The following LRP6 variants were observed in gnomAD, a reference collection of about 807,000 sequenced individuals.
The protein encoded by LRP6 is low-density lipoprotein receptor-related protein 6.
Under a neutral mutation model 184.1 loss-of-function variants are expected in LRP6, and 43 were observed. The ratio of observed to expected loss-of-function variants is 0.23; its 90% CI spans 0.18 to 0.30. LRP6 has a LOEUF of 0.30. Ranked by LOEUF, LRP6 falls within the 10% of genes least tolerant of loss-of-function variation. The pLI, the probability that LRP6 is intolerant of heterozygous loss-of-function variation, is 1.00. For synonymous variants in LRP6, 719 were observed against 684.9 expected (o/e 1.05, Z -0.78); for missense variants, 1,571 against 2,005.3 (o/e 0.78, Z 4.14).
rs537539881 is a variant in LRP6, at chr12:12,229,289, G to C, written c.449+14973C>G. Reference sequence around the variant, plus strand: ...GGAGGCTGAGGCAGGAGAATCGCTTGAACCCGCAAGGCGGAGGTTGCTGTG... The same window carrying C: ...GGAGGCTGAGGCAGGAGAATCGCTTCAACCCGCAAGGCGGAGGTTGCTGTG... On this transcript the variant is annotated intron_variant, in intron 2 of 22. Coordinates refer to ENST00000261349, the MANE Select transcript of LRP6 (RefSeq NM_002336.3). Among the ~76,000 whole-genome samples, 3 of 148,648 alleles carry C rather than the reference G, an allele frequency of 2.0e-5. No individual in the cohort carries two copies. The South Asian group carries it at 6.4e-4, about 32-fold the overall frequency.
intron 2 of LRP6, among the ~76,000 whole-genome samples, chr12:12,237,680 T>C (rs1864959805): frequency 6.6e-6 from 1 of 152,244 alleles, no homozygotes; most frequent in South Asian, 2.1e-4. Flanking sequence ...TGTATAACTT[T>C]AATCAAATCA....
At chr12:12,141,709 T>C (rs1304959608) in intron 15 of LRP6, among the ~76,000 whole-genome samples, 4 of 152,182 alleles carry the variant, frequency 2.6e-5, no homozygotes, top group Non-Finnish European at 4.4e-5. Context: ...TGAAGACAAA[T>C]AGATGGACTG....
At chr12:12,148,683 C>T (rs879920000) in intron 14 of LRP6, among the ~76,000 whole-genome samples, 2 of 151,972 alleles carry the variant, frequency 1.3e-5, no homozygotes, top group Non-Finnish European at 2.9e-5. Context: ...TCCTGGAGGA[C>T]GTGGCAGTTG....
intron 13 of LRP6, among the ~76,000 whole-genome samples, 186 bp downstream of exon 13, chr12:12,150,650 A>C (rs1349387373): frequency 6.6e-6 from 1 of 152,190 alleles, no homozygotes; most frequent in African/African-American, 2.4e-5. Context: ...TCATAATATC[A>C]TCATCAAACA....
chr12:12,251,313 T>C (rs1003425223), intron 1 of LRP6, among the ~76,000 whole-genome samples: 7 of 152,120 alleles, frequency 4.6e-5, no homozygotes, highest in Non-Finnish European at 8.8e-5. Context: ...AAAACTAGAT[T>C]TTAGTTTTCT....
intron 7 of LRP6, among the ~76,000 whole-genome samples, chr12:12,170,546 G>A (rs943158786): frequency 1.3e-5 from 2 of 151,898 alleles, no homozygotes; most frequent in African/African-American, 4.8e-5. Context: ...AGAGCCACAT[G>A]TAATTAGTGG....
chr12:12,240,182 T>C (rs1200889845), intron 2 of LRP6, among the ~76,000 whole-genome samples: 1 of 152,196 alleles, frequency 6.6e-6, no homozygotes, highest in African/African-American at 2.4e-5. Flanking sequence ...TCTTATTTTT[T>C]AGATAATGAT....
chr12:12,249,243 A>G, intron 1 of LRP6: 1 of 907,282 alleles, frequency 1.1e-6, no homozygotes, highest in South Asian at 1.4e-5. Flanking sequence ...AAGATTTGTA[A>G]CAAAAAATTA....
At chr12:12,215,765 A>G (rs533677220) in intron 2 of LRP6, among the ~76,000 whole-genome samples, 10 of 151,690 alleles carry the variant, frequency 6.6e-5, no homozygotes, top group Admixed American at 1.3e-4. Context: ...TAATCCCAAC[A>G]CTTTGGGAAG....
chr12:12,248,956 A>C (rs1381636051), intron 1 of LRP6: 1 of 475,494 alleles, frequency 2.1e-6, no homozygotes, highest in Non-Finnish European at 3.8e-6. Flanking sequence ...ACAGAGTATA[A>C]AAAATTAAAG....
chr12:12,223,646 C>T (rs187110278), intron 2 of LRP6, among the ~76,000 whole-genome samples: 28 of 152,272 alleles, frequency 1.8e-4, no homozygotes, highest in Admixed American at 1.5e-3. Flanking sequence ...TACTTTTCTA[C>T]TACTCCTATC....
chr12:12,139,152 C>T (rs1352267222), intron 15 of LRP6, among the ~76,000 whole-genome samples: 5 of 152,194 alleles, frequency 3.3e-5, no homozygotes, highest in Non-Finnish European at 7.3e-5. Context: ...AAAAAATATA[C>T]TCATTCCTTC....
At chr12:12,259,903 A>G (rs977047859) in intron 1 of LRP6, among the ~76,000 whole-genome samples, 3 of 152,230 alleles carry the variant, frequency 2.0e-5, no homozygotes, top group Non-Finnish European at 2.9e-5. Context: ...ATCCTGCAGA[A>G]AGAAATCCAC....
intron 2 of LRP6, among the ~76,000 whole-genome samples, chr12:12,211,668 T>C (rs1002368991): frequency 6.6e-6 from 1 of 152,184 alleles, no homozygotes; most frequent in Non-Finnish European, 1.5e-5. Context: ...ATTCTGAATG[T>C]ATAAACTGGT....
intron 19 of LRP6, among the ~76,000 whole-genome samples, chr12:12,130,209 C>T (rs1375767950): frequency 2.8e-5 from 4 of 144,340 alleles, no homozygotes; most frequent in East Asian, 2.0e-4. Context: ...TTTTTTGAGA[C>T]GGAGTCTTGC....
intron 3 of LRP6, among the ~76,000 whole-genome samples, chr12:12,200,020 T>C (rs1863874576): frequency 7.4e-6 from 1 of 134,460 alleles, no homozygotes; most frequent in African/African-American, 2.9e-5. Context: ...CATCCAGAGG[T>C]ATATAGGCCA....
intron 7 of LRP6, among the ~76,000 whole-genome samples, chr12:12,178,845 AG>A (rs1398905692): frequency 2.6e-5 from 4 of 152,206 alleles, no homozygotes; most frequent in African/African-American, 9.6e-5. Context: ...TTCTATTCCA[AG>A]TTTCCATTTT....
chr12:12,214,476 T>G (rs367774109), intron 2 of LRP6, among the ~76,000 whole-genome samples: 2 of 152,216 alleles, frequency 1.3e-5, no homozygotes, highest in Non-Finnish European at 2.9e-5. Context: ...TGTTATATAG[T>G]AAGAACCTGA....
intron 11 of LRP6, 72 bp from the exon 12 acceptor site, chr12:12,159,227 GGC>G: frequency 8.7e-7 from 1 of 1,154,268 alleles, no homozygotes; most frequent in Admixed American, 2.0e-5. Flanking sequence ...GTGTCTTGCT[GGC>G]AAAAAGAAAA....
Sources: allele counts gnomAD v4.1 joint callset (sites outside exome capture counted in the v4.1 genomes callset), GRCh38; gene constraint gnomAD v4.1.1; transcripts MANE v1.5; gene names NCBI Gene and HGNC (gene_info 2026-07-23, HGNC 2026-07-21).